ANO3: variants seen among roughly 807,000 people sequenced by gnomAD.
The protein encoded by ANO3 is anoctamin 3.
In ANO3, 99 loss-of-function variants were observed where a neutral mutation model predicts 144.8. The observed-to-expected ratio is 0.68, with a 90% confidence interval of 0.58 to 0.81. ANO3 has a LOEUF of 0.81. ANO3 is among the 30% of genes least tolerant of loss of function. The probability of loss-of-function intolerance (pLI) is 0.00; values close to 1 mark genes in which losing one functional copy is unlikely to be tolerated. For missense variants in ANO3, 905 were observed against 1,202.2 expected (o/e 0.75, Z 3.66); for synonymous variants, 414 against 392.6 (o/e 1.05, Z -0.64).
At chr11:26,189,376 T>G (rs1320467616) in intron 1 of ANO3, 2 of 942,682 alleles carry the variant, frequency 2.1e-6, no homozygotes, top group African/African-American at 3.5e-5. Flanking sequence ...TTAACTTATG[T>G]TTGTACTTCT....
intron 4 of ANO3, among the ~76,000 whole-genome samples, chr11:26,494,863 T>C (rs1294748700): frequency 3.9e-5 from 6 of 152,124 alleles, no homozygotes; most frequent in African/African-American, 1.2e-4. Context: ...AATATGTATG[T>C]CTGTGTGGTT....
intron 1 of ANO3, among the ~76,000 whole-genome samples, chr11:26,233,981 T>C (rs1852459671): frequency 7.2e-6 from 1 of 139,096 alleles, no homozygotes; most frequent in African/African-American, 2.5e-5. Flanking sequence ...TTAGGACAAA[T>C]GCCTAATGTA....
At chr11:26,615,581 T>C (rs962820700) in intron 17 of ANO3, among the ~76,000 whole-genome samples, 4 of 152,126 alleles carry the variant, frequency 2.6e-5, no homozygotes, top group East Asian at 3.9e-4. Flanking sequence ...AAATAACACA[T>C]AGGGATATTG....
intron 1 of ANO3, among the ~76,000 whole-genome samples, chr11:26,410,702 G>A (rs1038561608): frequency 6.6e-6 from 1 of 152,024 alleles, no homozygotes; most frequent in African/African-American, 2.4e-5. Flanking sequence ...ACAAAGACTA[G>A]TGTGGGGAAC....
At chr11:26,565,520 G>T in intron 14 of ANO3, 1 of 1,613,344 alleles carries the variant, frequency 6.2e-7, no homozygotes, top group Middle Eastern at 1.7e-4. Context: ...CAAAGCTATG[G>T]ATCAAGGGAG....
Position 26,644,815 on chromosome 11 carries a change from T to TCACACACACACACA in ANO3, c.2428+1502_2428+1515dup, listed in dbSNP as rs71449132. Among the ~76,000 whole-genome samples, 569 of 145,270 alleles carry TCACACACACACACA rather than the reference T, an allele frequency of 3.9e-3. 2 individuals are homozygous for TCACACACACACACA. The highest frequency in any genetic ancestry group is 0.021 in the East Asian group (101 of 4,818). Reference sequence around the variant, plus strand: ...GCCCTATATTTATTGGGAATACTAATCACACACACACACACACACACACAC... The same window carrying TCACACACACACACA: ...GCCCTATATTTATTGGGAATACTAATCACACACACACACACACACACACACACACACACACACAC... On this transcript the variant is annotated intron_variant, in intron 23 of 26. Coordinates refer to ENST00000256737, the MANE Select transcript of ANO3 (RefSeq NM_031418.4).
chr11:26,331,185 G>A (rs1307518589), upstream of ANO3, among the ~76,000 whole-genome samples: 1 of 152,164 alleles, frequency 6.6e-6, no homozygotes, highest in Non-Finnish European at 1.5e-5. Flanking sequence ...GCCTGTTGGA[G>A]GGGGAGGGAG....
chr11:26,451,628 T>G (rs371157175), intron 3 of ANO3, among the ~76,000 whole-genome samples: 4 of 152,320 alleles, frequency 2.6e-5, no homozygotes, highest in South Asian at 4.1e-4. Flanking sequence ...GAGGCCTGCC[T>G]GCCTCTGTAG....
intron 18 of ANO3, among the ~76,000 whole-genome samples, chr11:26,629,412 A>G (rs920002332): frequency 3.3e-5 from 5 of 151,764 alleles, no homozygotes; most frequent in Non-Finnish European, 7.4e-5. Context: ...CTATCTATCT[A>G]TCTATCTACT....
chr11:26,294,175 C>A (rs1854033401), intron 1 of ANO3, among the ~76,000 whole-genome samples: 1 of 152,114 alleles, frequency 6.6e-6, no homozygotes, highest in Admixed American at 6.5e-5. Context: ...ATAATCTTTT[C>A]TTGAGGGTCA....
chr11:26,208,302 G>A (rs1168561272), intron 1 of ANO3: 1 of 152,130 alleles, frequency 6.6e-6, no homozygotes, highest in Non-Finnish European at 1.5e-5. Context: ...ACGAGGTCAG[G>A]AGATCGAGAC....
intron 1 of ANO3, among the ~76,000 whole-genome samples, chr11:26,434,242 T>A (rs1036024760): frequency 1.4e-4 from 21 of 152,158 alleles, no homozygotes; most frequent in Admixed American, 1.4e-3. Context: ...ATGGTTACTT[T>A]TATTCCTGTG....
Position 26,314,874 on chromosome 11 carries a change from G to A in ANO3, c.-3+5155G>A, listed in dbSNP as rs1590254122. 2.0e-5 allele frequency among the ~76,000 whole-genome samples: 3 copies of A among 152,194 alleles called. No homozygotes were observed. In the South Asian group the frequency reaches 6.2e-4, roughly 32 times the overall value. On this transcript the variant is annotated intron_variant, in intron 1 of 26. Coordinates refer to the ANO3 transcript ENST00000525139. ...GAAGCAAGATATAAAGACTTTATCT[G>A]GGTAATCTAATCAACCTCCCAAACT... is the stretch of plus-strand genomic sequence containing the variant.
intron 1 of ANO3, among the ~76,000 whole-genome samples, chr11:26,387,199 C>A (rs925141809): frequency 6.8e-6 from 1 of 147,928 alleles, no homozygotes; most frequent in African/African-American, 2.5e-5. Flanking sequence ...GTCTGGAACA[C>A]CTGACCTTAT....
intron 1 of ANO3, among the ~76,000 whole-genome samples, chr11:26,429,409 T>C (rs898254845): frequency 4.4e-4 from 63 of 144,204 alleles, no homozygotes; most frequent in Non-Finnish European, 1.4e-4. Context: ...AATATATTCA[T>C]ATAAAGATAA....
At chr11:26,199,775 A>T (rs914913010) in intron 1 of ANO3, among the ~76,000 whole-genome samples, 8 of 152,206 alleles carry the variant, frequency 5.3e-5, no homozygotes, top group Non-Finnish European at 1.0e-4. Flanking sequence ...GTTGCAGCAT[A>T]TAACTACATC....
intron 1 of ANO3, among the ~76,000 whole-genome samples, chr11:26,389,943 G>T (rs1856832925): frequency 2.6e-5 from 4 of 152,070 alleles, no homozygotes; most frequent in Admixed American, 2.6e-4. Context: ...ATACTGAGCT[G>T]CCTTAGGATG....
At chr11:26,594,715 G>A (rs919876943) in intron 14 of ANO3, among the ~76,000 whole-genome samples, 1 of 152,126 alleles carries the variant, frequency 6.6e-6, no homozygotes, top group Non-Finnish European at 1.5e-5. Flanking sequence ...GAACACCAGG[G>A]CAGGGAGGTA....
intron 5 of ANO3, among the ~76,000 whole-genome samples, chr11:26,516,310 C>T (rs550442407): frequency 6.6e-6 from 1 of 151,252 alleles, no homozygotes; most frequent in South Asian, 2.1e-4. Flanking sequence ...TATGACGACT[C>T]TACGAGATAA....
Sources: gnomAD v4.1 joint callset for allele counts (sites outside exome capture counted in the v4.1 genomes callset) on GRCh38, gnomAD v4.1.1 for gene constraint, MANE v1.5 for transcripts, NCBI Gene and HGNC (gene_info 2026-07-23, HGNC 2026-07-21) for gene names.